Variants in ZMIZ1 observed in about 807,000 individuals in gnomAD.
ZMIZ1 encodes the protein zinc finger MIZ domain-containing protein 1.
ZMIZ1 carries 17 observed loss-of-function variants against 113.9 expected under a neutral mutation model. The ratio of observed to expected loss-of-function variants is 0.15; its 90% CI spans 0.10 to 0.22. ZMIZ1 has a LOEUF of 0.22. ZMIZ1 is among the 10% of genes least tolerant of loss of function. The pLI is 1.00. For missense variants in ZMIZ1, 1,059 were observed against 1,477.8 expected (o/e 0.72, Z 4.65); for synonymous variants, 607 against 603.1 (o/e 1.01, Z -0.09).
rs899466530 is a variant in ZMIZ1 at position 79,291,998 on chromosome 10, G to A, written c.759-160G>A. Among the ~76,000 whole-genome samples the A allele has an allele frequency of 3.9e-5, 6 of 152,320 alleles. No homozygotes were observed. The South Asian group carries it at 6.2e-4, about 16-fold the overall frequency. ...GCTCCAGGAGCACAGCAGCCTGGTC[G>A]TTGCCAAGTGGCACAAATGAATGGC... On this transcript the variant is annotated intron_variant, in intron 10 of 24. Coordinates refer to ENST00000334512, the MANE Select transcript of ZMIZ1 (RefSeq NM_020338.4).
chr10:79,219,463 T>C (rs1287257144), intron 7 of ZMIZ1, among the ~76,000 whole-genome samples: 1 of 152,200 alleles, frequency 6.6e-6, no homozygotes, highest in Non-Finnish European at 1.5e-5. Flanking sequence ...GGCTGGAACC[T>C]GAACTAGCCT....
chr10:79,201,847 A>G (rs1848096749), intron 5 of ZMIZ1, among the ~76,000 whole-genome samples, 155 bp downstream of exon 5: 3 of 152,114 alleles, frequency 2.0e-5, no homozygotes. Flanking sequence ...GACCAGCCTA[A>G]TGCTGGAATC....
chr10:79,281,921 CGTT>C (rs1852764868), intron 8 of ZMIZ1, among the ~76,000 whole-genome samples: 2 of 152,186 alleles, frequency 1.3e-5, no homozygotes, highest in South Asian at 4.1e-4. Context: ...GGTGGTATCT[CGTT>C]GTTAACCCAA....
chr10:79,253,112 T>C (rs894394820), intron 7 of ZMIZ1, among the ~76,000 whole-genome samples: 5 of 152,182 alleles, frequency 3.3e-5, no homozygotes, highest in African/African-American at 1.2e-4. Flanking sequence ...GGGCCGGACA[T>C]GCATCTGGGT....
intron 1 of ZMIZ1, among the ~76,000 whole-genome samples, chr10:79,098,614 A>C (rs1249015106): frequency 6.6e-6 from 1 of 152,246 alleles, no homozygotes; most frequent in East Asian, 1.9e-4. Flanking sequence ...GTCACCTGAA[A>C]GCCATACAGT....
chr10:79,298,186 C>G (rs1304896465), intron 14 of ZMIZ1, among the ~76,000 whole-genome samples: 1 of 152,154 alleles, frequency 6.6e-6, no homozygotes, highest in East Asian at 1.9e-4. Context: ...GACACAGGAG[C>G]TCAGTGGTGA....
At chr10:79,087,574 C>T (rs931308948) in intron 1 of ZMIZ1, among the ~76,000 whole-genome samples, 32 of 152,220 alleles carry the variant, frequency 2.1e-4, no homozygotes, top group African/African-American at 5.8e-4. Context: ...TCCCCTTTTC[C>T]ATCGCCCCTT....
At chr10:79,219,166 A>T (rs1373503370) in intron 7 of ZMIZ1, among the ~76,000 whole-genome samples, 1 of 152,096 alleles carries the variant, frequency 6.6e-6, no homozygotes, top group Non-Finnish European at 1.5e-5. Flanking sequence ...AGGGATATTT[A>T]AGAGGCAAAA....
At chr10:79,287,094 T>C (rs1723536689) in intron 8 of ZMIZ1, among the ~76,000 whole-genome samples, 1 of 152,206 alleles carries the variant, frequency 6.6e-6, no homozygotes, top group Admixed American at 6.5e-5. Context: ...CCAGGGGATC[T>C]CCTCTTTGTT....
intron 7 of ZMIZ1, among the ~76,000 whole-genome samples, chr10:79,217,189 C>T (rs552072277): frequency 9.9e-5 from 15 of 152,198 alleles, no homozygotes; most frequent in East Asian, 5.8e-4. Flanking sequence ...TTTGGGAGGC[C>T]GAGGCGAGCA....
At chr10:79,311,588 G>A (rs1855170831) in intron 24 of ZMIZ1, among the ~76,000 whole-genome samples, 1 of 152,090 alleles carries the variant, frequency 6.6e-6, no homozygotes, top group Non-Finnish European at 1.5e-5. Flanking sequence ...TCGCTGGTGT[G>A]TGTCTGTCTC....
chr10:79,148,846 T>TTA (rs1265990607), intron 3 of ZMIZ1, among the ~76,000 whole-genome samples: 1 of 152,214 alleles, frequency 6.6e-6, no homozygotes, highest in African/African-American at 2.4e-5. Flanking sequence ...GCCACAGACT[T>TTA]TAGGCCCTTG....
In ZMIZ1 at chr10:79,304,237, G is replaced by A. The variant is rs552275376; in HGVS notation, c.2286+62G>A. 8.3e-6 allele frequency: 13 copies of A among 1,572,896 alleles called. No homozygotes were observed. The African/African-American group carries it at 1.2e-4, about 15-fold the overall frequency. ...CCTAGACTCTGGCTGGGATGGTGAG[G>A]GGTAGGCAGAGGGGCAACAGAGCCT... On this transcript the variant is annotated intron_variant, in intron 19 of 24. Transcript: ENST00000334512.
intron 2 of ZMIZ1, among the ~76,000 whole-genome samples, chr10:79,126,065 G>A (rs1029098758): frequency 8.5e-5 from 13 of 152,154 alleles, no homozygotes; most frequent in African/African-American, 2.7e-4. Context: ...ACGGGAACCC[G>A]CAGACCTGGC....
At chr10:79,242,627 C>T (rs902633108) in intron 7 of ZMIZ1, among the ~76,000 whole-genome samples, 2 of 151,464 alleles carry the variant, frequency 1.3e-5, no homozygotes, top group African/African-American at 4.9e-5. Flanking sequence ...CGTGGACCCT[C>T]ATTAGCATGC....
chr10:79,187,847 A>G (rs1847412666), intron 4 of ZMIZ1, among the ~76,000 whole-genome samples: 1 of 152,210 alleles, frequency 6.6e-6, no homozygotes, highest in African/African-American at 2.4e-5. Context: ...GAACCCGCGC[A>G]GTCTGCCACT....
chr10:79,253,932 T>A (rs1299030726), intron 7 of ZMIZ1, among the ~76,000 whole-genome samples: 1 of 152,044 alleles, frequency 6.6e-6, no homozygotes, highest in Non-Finnish European at 1.5e-5. Flanking sequence ...ATGCACACAC[T>A]CACTCATAGG....
chr10:79,233,628 G>A (rs1849480585), intron 7 of ZMIZ1, among the ~76,000 whole-genome samples: 1 of 152,212 alleles, frequency 6.6e-6, no homozygotes, highest in South Asian at 2.1e-4. Context: ...CCAAACCGTA[G>A]CATCCACAGG....
intron 7 of ZMIZ1, among the ~76,000 whole-genome samples, chr10:79,264,109 A>C (rs1277625333): frequency 6.6e-6 from 1 of 152,154 alleles, no homozygotes; most frequent in Non-Finnish European, 1.5e-5. Context: ...CTGGAATGAG[A>C]GCTGGAGTGC....
Sources: allele counts gnomAD v4.1 joint callset (sites outside exome capture counted in the v4.1 genomes callset), GRCh38; gene constraint gnomAD v4.1.1; transcripts MANE v1.5; gene names NCBI Gene and HGNC (gene_info 2026-07-23, HGNC 2026-07-21).